ERBIN: variants seen among roughly 807,000 people sequenced by gnomAD.
ERBIN encodes densin-180-like protein.
In ERBIN, 60 loss-of-function variants were observed where a neutral mutation model predicts 158.4. The ratio of observed to expected loss-of-function variants is 0.38; its 90% confidence interval spans 0.31 to 0.47. The LOEUF is 0.47. ERBIN is among the 20% of genes least tolerant of loss of function. The probability of loss-of-function intolerance (pLI) is 0.99; values close to 1 mark genes in which losing one functional copy is unlikely to be tolerated. For synonymous variants in ERBIN, 594 were observed against 557.2 expected, an observed-to-expected ratio of 1.07 and a Z score of -0.93; for missense variants, 1,610 against 1,648.0, an observed-to-expected ratio of 0.98 and a Z score of 0.40.
chr5:65,989,524 TCTC>T (rs1441823756), intron 2 of ERBIN, among the ~76,000 whole-genome samples: 1 of 152,178 alleles, frequency 6.6e-6, no homozygotes, highest in East Asian at 1.9e-4. Flanking sequence ...CTGAATTCGT[TCTC>T]CTTTCAGAGA....
At chr5:65,932,308 C>T (rs1743528071) in intron 1 of ERBIN, among the ~76,000 whole-genome samples, 1 of 145,098 alleles carries the variant, frequency 6.9e-6, no homozygotes. Context: ...CACTGCATTC[C>T]AGCCTGGCGA....
intron 1 of ERBIN, among the ~76,000 whole-genome samples, chr5:65,973,565 G>A (rs1160476688): frequency 6.6e-6 from 1 of 151,256 alleles, no homozygotes; most frequent in Admixed American, 6.6e-5. Flanking sequence ...CTCAAATCAG[G>A]TCATGCTTTT....
intron 21 of ERBIN, among the ~76,000 whole-genome samples, chr5:66,068,439 T>G (rs1438036910): frequency 6.6e-6 from 1 of 152,210 alleles, no homozygotes; most frequent in African/African-American, 2.4e-5. Context: ...TGAAGTAGAT[T>G]CTCTAAAAAT....
chr5:66,021,294 T>TA, intron 7 of ERBIN, 28 bp from the exon 8 acceptor site: 1 of 1,457,768 alleles, frequency 6.9e-7, no homozygotes, highest in Non-Finnish European at 9.5e-7. Flanking sequence ...TTTTTCTAGT[T>TA]AATTTTTCAT....
At chr5:65,927,545 TAAAC>T (rs1486934046) in intron 1 of ERBIN, among the ~76,000 whole-genome samples, 2 of 152,172 alleles carry the variant, frequency 1.3e-5, no homozygotes, top group Non-Finnish European at 2.9e-5. Flanking sequence ...GAGAGATAAT[TAAAC>T]AACATTAACA....
chr5:65,942,908 CAAAAAAAA>C (rs56041538), intron 1 of ERBIN, among the ~76,000 whole-genome samples: 1 of 138,680 alleles, frequency 7.2e-6, no homozygotes, highest in East Asian at 2.2e-4. Flanking sequence ...ACTCCGTCTC[CAAAAAAAA>C]AAAAAAAAAT....
chr5:66,027,936 A>G lies in ERBIN; in HGVS notation c.1137-338A>G, dbSNP rs555326073. 3.9e-5 allele frequency among the ~76,000 whole-genome samples: 6 copies of G among 152,228 alleles called. No individual in the cohort carries two copies. The South Asian group carries it at 8.3e-4, about 21-fold the overall frequency. On this transcript the variant is annotated intron_variant, in intron 13 of 25. Coordinates refer to ENST00000284037, the MANE Select transcript of ERBIN (RefSeq NM_001253697.2). ...TGTTCTCCCTAAGTACAAATAAACC[A>G]AAGCAATGTTATGAGACATTCCTTA...
chr5:66,009,340 T>C (rs575609164), intron 4 of ERBIN, among the ~76,000 whole-genome samples: 1 of 152,348 alleles, frequency 6.6e-6, no homozygotes, highest in South Asian at 2.1e-4. Flanking sequence ...AATTCAATAA[T>C]GTTAAGTATT....
intron 1 of ERBIN, among the ~76,000 whole-genome samples, chr5:65,968,125 T>G (rs1748863044): frequency 6.6e-6 from 1 of 152,182 alleles, no homozygotes; most frequent in Admixed American, 6.5e-5. Context: ...TTTCACCTCT[T>G]GAGGGGAGAA....
chr5:66,063,430 C>A (rs1055026462), intron 21 of ERBIN, among the ~76,000 whole-genome samples: 1 of 152,150 alleles, frequency 6.6e-6, no homozygotes, highest in Admixed American at 6.5e-5. Flanking sequence ...TTTCCAGGTG[C>A]CATCTGTCAC....
At chr5:65,954,275 C>G (rs188577568) in intron 1 of ERBIN, among the ~76,000 whole-genome samples, 21 of 152,300 alleles carry the variant, frequency 1.4e-4, no homozygotes, top group African/African-American at 4.8e-4. Flanking sequence ...AAGAGCTGAG[C>G]TGCAACTCCG....
chr5:66,075,258 A>G (rs1379814066), intron 23 of ERBIN, 28 bp downstream of exon 23: 1 of 1,557,862 alleles, frequency 6.4e-7, no homozygotes, highest in Non-Finnish European at 8.9e-7. Flanking sequence ...TATTTGAAAT[A>G]TGGGACTAAG....
At chr5:66,069,013 T>G (rs1158393111) in intron 21 of ERBIN, 8 of 1,531,566 alleles carry the variant, frequency 5.2e-6, no homozygotes, top group Non-Finnish European at 7.0e-6. Flanking sequence ...GGTGGGCACA[T>G]TTTTCGAGTG....
intron 20 of ERBIN, among the ~76,000 whole-genome samples, chr5:66,053,183 A>G (rs1483832778): frequency 6.6e-6 from 1 of 152,158 alleles, no homozygotes; most frequent in African/African-American, 2.4e-5. Flanking sequence ...TCTTGGTATT[A>G]TCTATGAATT....
At chr5:66,064,224 G>A (rs1760758822) in intron 21 of ERBIN, among the ~76,000 whole-genome samples, 1 of 152,236 alleles carries the variant, frequency 6.6e-6, no homozygotes, top group South Asian at 2.1e-4. Flanking sequence ...ATAGATTAAG[G>A]TAAAAGTTAT....
At chr5:66,065,576 C>G (rs1760887314) in intron 21 of ERBIN, among the ~76,000 whole-genome samples, 1 of 142,232 alleles carries the variant, frequency 7.0e-6, no homozygotes, top group Admixed American at 7.1e-5. Flanking sequence ...CAGAGATTTT[C>G]AGATTAATTT....
At chr5:66,004,000 A>G (rs563051813) in intron 4 of ERBIN, among the ~76,000 whole-genome samples, 1 of 137,220 alleles carries the variant, frequency 7.3e-6, no homozygotes, top group African/African-American at 2.8e-5. Context: ...GTACAGTGGC[A>G]TGATCATAGC....
chr5:65,937,666 T>C (rs988260046), intron 1 of ERBIN, among the ~76,000 whole-genome samples: 18 of 152,184 alleles, frequency 1.2e-4, no homozygotes, highest in Non-Finnish European at 1.0e-4. Flanking sequence ...CCCAGCACTT[T>C]GGGAGGCCGA....
intron 2 of ERBIN, among the ~76,000 whole-genome samples, chr5:65,989,040 TTCTTCTTCG>T (rs1751578247): frequency 1.3e-5 from 2 of 149,088 alleles, no homozygotes; most frequent in East Asian, 3.9e-4. Context: ...GGTCGACACT[TTCTTCTTCG>T]TTGTGATTAG....
Sources: allele counts gnomAD v4.1 joint callset (sites outside exome capture counted in the v4.1 genomes callset), GRCh38; gene constraint gnomAD v4.1.1; transcripts MANE v1.5; gene names NCBI Gene and HGNC (gene_info 2026-07-23, HGNC 2026-07-21).